Variants in FOXP1 observed in about 807,000 individuals in gnomAD.
FOXP1 encodes forkhead box protein P1.
A neutral mutation model predicts 98.2 loss-of-function variants in FOXP1; 15 were observed. The ratio of observed to expected loss-of-function variants is 0.15; its 90% confidence interval spans 0.10 to 0.24. The LOEUF (loss-of-function observed/expected upper bound fraction) is 0.24, where lower values mean the gene tolerates loss of function less well. FOXP1 is among the 10% of genes least tolerant of loss of function. The pLI, the probability that FOXP1 is intolerant of heterozygous loss-of-function variation, is 1.00. For missense variants in FOXP1, 633 were observed against 848.5 expected (o/e 0.75, Z 3.15); for synonymous variants, 371 against 314.5 (o/e 1.18, Z -1.90).
intron 5 of FOXP1, among the ~76,000 whole-genome samples, chr3:71,236,702 T>C (rs946299542): frequency 6.6e-6 from 1 of 151,794 alleles, no homozygotes; most frequent in African/African-American, 2.4e-5. Context: ...AGACCTTATC[T>C]CCACAAGAGA....
chr3:71,235,683 C>A (rs1224375783), intron 5 of FOXP1, among the ~76,000 whole-genome samples: 3 of 152,158 alleles, frequency 2.0e-5, no homozygotes, highest in Admixed American at 1.3e-4. Context: ...TCTCCTACCT[C>A]AGCCTCCTAA....
intron 3 of FOXP1, among the ~76,000 whole-genome samples, chr3:71,484,404 A>C (rs1054756646): frequency 1.3e-5 from 2 of 152,254 alleles, no homozygotes; most frequent in Non-Finnish European, 2.9e-5. Context: ...AGGATATGTA[A>C]GGTTTAAATT....
At chr3:71,581,970 G>T in intron 1 of FOXP1, 1 of 738,866 alleles carries the variant, frequency 1.4e-6, no homozygotes, top group Non-Finnish European at 1.6e-6. Context: ...GAGGGGGGAG[G>T]AATAGGGAGA....
chr3:71,383,288 T>C (rs999148174), intron 3 of FOXP1, among the ~76,000 whole-genome samples: 4 of 152,216 alleles, frequency 2.6e-5, no homozygotes, highest in Non-Finnish European at 5.9e-5. Context: ...GAAGAATTCA[T>C]TATCAGAGAA....
intron 6 of FOXP1, among the ~76,000 whole-genome samples, chr3:71,188,398 TTTTTC>T (rs1410457709): frequency 1.3e-5 from 2 of 151,424 alleles, no homozygotes; most frequent in East Asian, 3.9e-4. Flanking sequence ...TTTGCCTCTT[TTTTTC>T]TTTATTTTTT....
chr3:71,477,010 C>A (rs896909666), intron 3 of FOXP1, among the ~76,000 whole-genome samples: 1 of 152,142 alleles, frequency 6.6e-6, no homozygotes, highest in Admixed American at 6.5e-5. Context: ...TTAAGAGACA[C>A]CTTTGGTTTT....
intron 11 of FOXP1, among the ~76,000 whole-genome samples, chr3:71,034,680 T>A (rs1033175082): frequency 1.3e-5 from 2 of 152,186 alleles, no homozygotes; most frequent in African/African-American, 2.4e-5. Flanking sequence ...CACCATCACA[T>A]GTCAGGTCCT....
At chr3:70,967,687 G>GTTTTTTTTTTTTTTTTTT (rs67711426) in intron 19 of FOXP1, among the ~76,000 whole-genome samples, 4 of 61,344 alleles carry the variant, frequency 6.5e-5, no homozygotes, top group South Asian at 5.9e-4. Flanking sequence ...ACTATTATTT[G>GTTTTTTTTTTTTTTTTTT]TTTTTTTTTT....
chr3:71,559,536 G>T (rs1490004712), intron 2 of FOXP1, among the ~76,000 whole-genome samples: 1 of 152,188 alleles, frequency 6.6e-6, no homozygotes, highest in Non-Finnish European at 1.5e-5. Context: ...CTGGTTGGAA[G>T]GCTGTTACGT....
At chr3:71,189,057 A>T (rs2062816977) in intron 6 of FOXP1, among the ~76,000 whole-genome samples, 2 of 152,202 alleles carry the variant, frequency 1.3e-5, no homozygotes, top group Admixed American at 6.5e-5. Context: ...GGCATGGCTA[A>T]ATTTAAATAC....
intron 3 of FOXP1, among the ~76,000 whole-genome samples, chr3:71,423,893 T>C (rs1258298229): frequency 2.0e-5 from 3 of 152,206 alleles, no homozygotes; most frequent in Non-Finnish European, 4.4e-5. Flanking sequence ...GCCCTAAATA[T>C]ACCCGCAAGT....
At chr3:71,212,501 T>A (rs908762063) in intron 5 of FOXP1, among the ~76,000 whole-genome samples, 7 of 152,194 alleles carry the variant, frequency 4.6e-5, no homozygotes, top group African/African-American at 1.7e-4. Context: ...GTATTACGCT[T>A]GTAGAAGACA....
chr3:71,110,233 T>G (rs2057801385), intron 7 of FOXP1, among the ~76,000 whole-genome samples: 1 of 152,138 alleles, frequency 6.6e-6, no homozygotes, highest in South Asian at 2.1e-4. Flanking sequence ...GGAAAAGAAG[T>G]TACCTAAAAA....
chr3:71,108,597 C>G (rs1406302908), intron 7 of FOXP1, among the ~76,000 whole-genome samples: 2 of 152,138 alleles, frequency 1.3e-5, no homozygotes, highest in African/African-American at 4.8e-5. Context: ...GAAACCAAGT[C>G]TCTACTAAAA....
chr3:71,167,788 G>C (rs1305723571), intron 6 of FOXP1, among the ~76,000 whole-genome samples: 1 of 152,058 alleles, frequency 6.6e-6, no homozygotes, highest in Non-Finnish European at 1.5e-5. Context: ...GCGGTCCATG[G>C]GTACAATGAT....
At chr3:71,439,789 C>CA (rs368526777) in intron 3 of FOXP1, among the ~76,000 whole-genome samples, 7 of 151,858 alleles carry the variant, frequency 4.6e-5, no homozygotes, top group African/African-American at 1.7e-4. Context: ...AGTAAAAATA[C>CA]AAAAAAATTA....
chr3:71,557,931 C>T (rs979509417), intron 2 of FOXP1, among the ~76,000 whole-genome samples: 2 of 152,208 alleles, frequency 1.3e-5, no homozygotes, highest in Non-Finnish European at 2.9e-5. Flanking sequence ...ATTCTCCTGC[C>T]TCAGCCTCCT....
intron 3 of FOXP1, among the ~76,000 whole-genome samples, chr3:71,470,452 C>T (rs1451786441): frequency 1.3e-5 from 2 of 152,128 alleles, no homozygotes; most frequent in Admixed American, 6.6e-5. Flanking sequence ...TAAAAAACAA[C>T]GTTTGAGGCC....
intron 5 of FOXP1, among the ~76,000 whole-genome samples, chr3:71,240,024 T>C (rs1000964772): frequency 2.0e-5 from 3 of 152,196 alleles, no homozygotes; most frequent in Non-Finnish European, 4.4e-5. Flanking sequence ...GATGGAGAAC[T>C]GGGGGGCTTC....
Sources: allele counts gnomAD v4.1 joint callset (sites outside exome capture counted in the v4.1 genomes callset), GRCh38; gene constraint gnomAD v4.1.1; transcripts MANE v1.5; gene names NCBI Gene and HGNC (gene_info 2026-07-23, HGNC 2026-07-21).